Variants in HMGB1 observed in about 807,000 individuals in gnomAD.
HMGB1 encodes high mobility group box 1, also known as high mobility group protein B1.
For missense variants in HMGB1, 79 were observed against 253.5 expected (o/e 0.31, Z 4.67); for synonymous variants, 81 against 84.0 (o/e 0.96, Z 0.19).
At chr13:30,467,458 C>G (rs1412125), upstream of HMGB1, among the ~76,000 whole-genome samples, 5 of 151,956 alleles carry the variant, frequency 3.3e-5, no homozygotes, top group African/African-American at 9.7e-5. Context: ...AATACACTAT[C>G]GGACTCAGGG....
At chr13:30,592,389 A>G (rs1342356773) in intron 1 of HMGB1, among the ~76,000 whole-genome samples, 3 of 152,202 alleles carry the variant, frequency 2.0e-5, no homozygotes, top group African/African-American at 7.2e-5. Flanking sequence ...CATGAAAATT[A>G]CCAGTCTTCC....
chr13:30,535,341 ATGAT>A (rs1198557048), intron 1 of HMGB1, among the ~76,000 whole-genome samples: 1 of 152,218 alleles, frequency 6.6e-6, no homozygotes, highest in Non-Finnish European at 1.5e-5. Context: ...TTTCATGAGA[ATGAT>A]TGAGAACTTC....
At chr13:30,486,100 T>C (rs778337584) in intron 1 of HMGB1, among the ~76,000 whole-genome samples, 25 of 152,184 alleles carry the variant, frequency 1.6e-4, no homozygotes, top group Non-Finnish European at 2.5e-4. Context: ...AAATAAGGTA[T>C]TGTTAAGGAA....
At position 30,590,158 on chromosome 13, in the gene HMGB1, A is replaced by G. The variant is rs142054251; in HGVS notation, c.-15+26513T>C. Among the ~76,000 whole-genome samples the G allele has an allele frequency of 5.3e-3, 808 of 152,204 alleles. 7 individuals carry two copies. The highest frequency in any genetic ancestry group is 0.017 in the African/African-American group (723 of 41,512). On this transcript the variant is annotated intron_variant, in intron 1 of 4. Transcript: ENST00000405805. ...TCCAGCAGCACTTTCTATGATGGAA[A>G]TCTTCTATATCTGCACTGTCCAATA...
rs1043174034 is a variant in HMGB1, at chr13:30,457,628, C to T, written c.*3729G>A. 6.6e-6 allele frequency: 1 copy of T among 152,218 alleles called. No homozygotes were observed. The highest frequency in any genetic ancestry group is 1.5e-5 in the Non-Finnish European group (1 of 68,044). The allele number at this position is 152,218 out of a possible 1,614,324, so 9.4% of individuals were successfully genotyped here. A position where few individuals can be genotyped will look rare whatever the true frequency, so the allele number is the denominator to read the frequency against. ...ACATGTCTAAAGTCATCTAGCATTT[C>T]TTCCTGGTAGAGATTACCTTAGACT... is the stretch of plus-strand genomic sequence containing the variant. On this transcript the variant is annotated 3_prime_UTR_variant, in exon 5 of 5. Transcript: ENST00000341423.
intron 1 of HMGB1, among the ~76,000 whole-genome samples, chr13:30,570,795 A>G (rs943857712): frequency 6.6e-6 from 1 of 152,208 alleles, no homozygotes; most frequent in Non-Finnish European, 1.5e-5. Flanking sequence ...GCACTCTACC[A>G]AGATACCATT....
chr13:30,607,289 C>T (rs1950469131), intron 1 of HMGB1, among the ~76,000 whole-genome samples: 1 of 152,190 alleles, frequency 6.6e-6, no homozygotes, highest in Non-Finnish European at 1.5e-5. Context: ...GTGTCTCCAC[C>T]CAAATCTCAT....
At chr13:30,583,609 G>A (rs1186661879) in intron 1 of HMGB1, among the ~76,000 whole-genome samples, 2 of 150,438 alleles carry the variant, frequency 1.3e-5, no homozygotes, top group African/African-American at 4.9e-5. Flanking sequence ...GCCAAGGCAG[G>A]CCTCCTGGAT....
In HMGB1 at chr13:30,457,000, GA is replaced by G. The variant is rs756854360; in HGVS notation, c.*4356del. 1 of 152,006 alleles carries G rather than the reference GA, an allele frequency of 6.6e-6. No individual in the cohort carries two copies. Among genetic ancestry groups the G allele is most frequent in the Admixed American group, 6.6e-5 (1 of 15,260 alleles). The allele number at this position is 152,006 out of a possible 1,614,324, so 9.4% of individuals were successfully genotyped here. ...TCATATACAAGTGAGATCGAAAAAA[GA>G]AAAAATATGTATTATGGAGCACCAT... On this transcript the variant is annotated 3_prime_UTR_variant, in exon 5 of 5. Coordinates refer to ENST00000341423, the MANE Select transcript of HMGB1 (RefSeq NM_002128.7).
At chr13:30,461,574 A>C in intron 4 of HMGB1, 41 bp from the exon 5 acceptor site, 1 of 1,570,128 alleles carries the variant, frequency 6.4e-7, no homozygotes, top group Non-Finnish European at 8.7e-7. Context: ...GGGAAGAAAA[A>C]AACATTAAGG....
At chr13:30,564,761 A>G (rs914204218) in intron 1 of HMGB1, among the ~76,000 whole-genome samples, 2 of 152,260 alleles carry the variant, frequency 1.3e-5, no homozygotes, top group African/African-American at 4.8e-5. Context: ...CTCATGATAT[A>G]AACAACTGTA....
intron 1 of HMGB1, among the ~76,000 whole-genome samples, chr13:30,526,503 A>G (rs563524690): frequency 1.5e-3 from 233 of 151,652 alleles, no homozygotes; most frequent in African/African-American, 5.4e-3. Context: ...TTCTGCCTGC[A>G]TATCATTTCA....
At chr13:30,522,547 G>A (rs1593289288) in intron 1 of HMGB1, among the ~76,000 whole-genome samples, 1 of 152,144 alleles carries the variant, frequency 6.6e-6, no homozygotes, top group Non-Finnish European at 1.5e-5. Flanking sequence ...AGGACTGGGT[G>A]CAGAAATGCT....
intron 1 of HMGB1, among the ~76,000 whole-genome samples, chr13:30,565,303 C>T (rs1479767760): frequency 6.6e-6 from 1 of 152,190 alleles, no homozygotes; most frequent in South Asian, 2.1e-4. Context: ...TGGTCACTGT[C>T]TCACCGCCCA....
chr13:30,554,205 C>G (rs1430614555), intron 1 of HMGB1: 1 of 1,438,738 alleles, frequency 7.0e-7, no homozygotes. Flanking sequence ...CATTATACGA[C>G]CTGGCCAGAT....
intron 3 of HMGB1, 79 bp downstream of exon 3, chr13:30,463,128 T>C: frequency 7.3e-7 from 1 of 1,375,810 alleles, no homozygotes. Context: ...CACTCTAAAC[T>C]GACAAAGTAG....
At chr13:30,491,345 T>A (rs1887487311) in intron 1 of HMGB1, among the ~76,000 whole-genome samples, 1 of 141,762 alleles carries the variant, frequency 7.1e-6, no homozygotes, top group South Asian at 2.1e-4. Context: ...GAAAGACTTT[T>A]CAACAAATTT....
At chr13:30,468,185 T>A (rs1420488034), upstream of HMGB1, among the ~76,000 whole-genome samples, 2 of 152,220 alleles carry the variant, frequency 1.3e-5, no homozygotes, top group Non-Finnish European at 2.9e-5. Context: ...CAGTTAACCT[T>A]GAGTTTTTCT....
chr13:30,503,215 A>G (rs1049362283), intron 1 of HMGB1, among the ~76,000 whole-genome samples: 2 of 152,004 alleles, frequency 1.3e-5, no homozygotes, highest in Non-Finnish European at 2.9e-5. Context: ...GTGGTGCCAC[A>G]TGCCTGTAGT....
Sources: allele counts gnomAD v4.1 joint callset (sites outside exome capture counted in the v4.1 genomes callset), GRCh38; gene constraint gnomAD v4.1.1; transcripts MANE v1.5; gene names NCBI Gene and HGNC (gene_info 2026-07-23, HGNC 2026-07-21).